The following ZZZ3 variants were observed in gnomAD, a reference collection of about 807,000 sequenced individuals.
ZZZ3 encodes zinc finger ZZ-type containing 3, also known as ZZ-type zinc finger-containing protein 3.
A neutral mutation model predicts 95.2 loss-of-function variants in ZZZ3; 22 were observed. The observed-to-expected ratio is 0.23, with a 90% CI of 0.17 to 0.33. The LOEUF (loss-of-function observed/expected upper bound fraction) is 0.33. Among genes scored for constraint, ZZZ3 ranks in the 10% least tolerant of loss-of-function variants. The pLI is 1.00. For synonymous variants in ZZZ3, 335 were observed against 358.9 expected (o/e 0.93, Z 0.75); for missense variants, 885 against 1,066.5 (o/e 0.83, Z 2.37).
At position 77,641,635 on chromosome 1, in the gene ZZZ3, T is replaced by G. The variant is rs1359694619; in HGVS notation, c.-382A>C. ...TTCAGGTATTATTTATTTATATGGT[T>G]GTACTAGAATAACTTGATATCTGTG... is the stretch of plus-strand genomic sequence containing the variant. On this transcript the variant is annotated 5_prime_UTR_variant, in exon 2 of 15. Transcript: ENST00000370801. 1 of 398,130 alleles carries G rather than the reference T, an allele frequency of 2.5e-6. No individual in the cohort carries two copies. The highest frequency in any genetic ancestry group is 4.4e-6 in the Non-Finnish European group (1 of 225,776). The allele number at this position is 398,130 out of a possible 1,614,324, so 24.7% of individuals were successfully genotyped here.
At chr1:77,595,699 A>G (rs1664150991) in intron 5 of ZZZ3, among the ~76,000 whole-genome samples, 1 of 152,036 alleles carries the variant, frequency 6.6e-6, no homozygotes, top group Non-Finnish European at 1.5e-5. Context: ...ACAAGCAAAC[A>G]TTTGCATTTG....
chr1:77,637,019 G>A (rs1668367113), intron 4 of ZZZ3, among the ~76,000 whole-genome samples: 1 of 152,114 alleles, frequency 6.6e-6, no homozygotes, highest in African/African-American at 2.4e-5. Context: ...TCAATCACGG[G>A]CATCTCCTGG....
At chr1:77,673,365 G>T (rs1671956145) in intron 1 of ZZZ3, among the ~76,000 whole-genome samples, 1 of 152,144 alleles carries the variant, frequency 6.6e-6, no homozygotes, top group Admixed American at 6.6e-5. Flanking sequence ...GGGAGGCTGA[G>T]GAGGGCAGAT....
intron 5 of ZZZ3, among the ~76,000 whole-genome samples, chr1:77,611,610 T>C (rs978241212): frequency 2.0e-5 from 3 of 151,940 alleles, no homozygotes; most frequent in Non-Finnish European, 4.4e-5. Flanking sequence ...ACAAAGCTAT[T>C]ACAATCAAAA....
intron 5 of ZZZ3, among the ~76,000 whole-genome samples, chr1:77,601,903 C>CTA (rs1020022946): frequency 6.6e-6 from 1 of 152,062 alleles, no homozygotes; most frequent in African/African-American, 2.4e-5. Flanking sequence ...AATCAATAGG[C>CTA]TATATACTCT....
At position 77,665,956 on chromosome 1, in the gene ZZZ3, G is replaced by T. The variant is rs150692439; in HGVS notation, c.-403+16629C>A. ...CTCAAGAGGCTGAGGCAGGAGAATCGCTTGAACCCAGAAGGCGGAGGGTGC... is the reference window on the plus strand; with the variant it reads ...CTCAAGAGGCTGAGGCAGGAGAATCTCTTGAACCCAGAAGGCGGAGGGTGC... On this transcript the variant is annotated intron_variant, in intron 1 of 14. Coordinates refer to ENST00000370801, the MANE Select transcript of ZZZ3 (RefSeq NM_015534.6). Among the ~76,000 whole-genome samples the T allele has an allele frequency of 2.5e-3, 380 of 152,278 alleles. 1 individual carries two copies. The highest frequency in any genetic ancestry group is 8.8e-3 in the African/African-American group (366 of 41,564).
At chr1:77,680,753 G>T (rs541695869) in intron 1 of ZZZ3, among the ~76,000 whole-genome samples, 1 of 151,976 alleles carries the variant, frequency 6.6e-6, no homozygotes, top group Non-Finnish European at 1.5e-5. Flanking sequence ...CTTTTAAAAC[G>T]TCTGAAAAAC....
intron 1 of ZZZ3, among the ~76,000 whole-genome samples, chr1:77,671,024 T>C (rs1219759154): frequency 6.7e-6 from 1 of 150,032 alleles, no homozygotes; most frequent in Admixed American, 6.6e-5. Context: ...GTGGTGGGGG[T>C]TGTTTTTTTT....
chr1:77,657,959 A>G (rs1278182535), intron 1 of ZZZ3, among the ~76,000 whole-genome samples: 1 of 152,002 alleles, frequency 6.6e-6, no homozygotes, highest in Non-Finnish European at 1.5e-5. Context: ...TGAGTGGATC[A>G]CCTGAGGTCA....
chr1:77,668,672 A>G (rs1232731191), intron 1 of ZZZ3, among the ~76,000 whole-genome samples: 1 of 150,406 alleles, frequency 6.6e-6, no homozygotes, highest in Non-Finnish European at 1.5e-5. Context: ...AAAAAGTTAC[A>G]GTGCTCTCAG....
chr1:77,628,715 T>A (rs1667530970), intron 5 of ZZZ3, among the ~76,000 whole-genome samples: 1 of 152,226 alleles, frequency 6.6e-6, no homozygotes, highest in Admixed American at 6.5e-5. Flanking sequence ...TCAACTAGAA[T>A]AACACAGAGT....
intron 1 of ZZZ3, among the ~76,000 whole-genome samples, chr1:77,666,325 T>G (rs1671246985): frequency 6.6e-6 from 1 of 152,074 alleles, no homozygotes; most frequent in African/African-American, 2.4e-5. Flanking sequence ...GGTCAGGAGT[T>G]TTAAGACTAG....
intron 5 of ZZZ3, among the ~76,000 whole-genome samples, chr1:77,622,578 T>G (rs535570388): frequency 6.6e-6 from 1 of 152,284 alleles, no homozygotes; most frequent in East Asian, 1.9e-4. Flanking sequence ...CAAAAATCCT[T>G]GAAATATCTG....
chr1:77,633,292 T>C lies in ZZZ3; in HGVS notation c.63A>G (p.Glu21=). 6.2e-7 allele frequency: 1 copy of C among 1,613,948 alleles called. No homozygotes were observed. The highest frequency in any genetic ancestry group is 8.5e-7 in the Non-Finnish European group (1 of 1,179,936). Residue 21 remains glutamate, a synonymous_variant, in exon 5 of 15, where the codon GAA becomes GAG. Transcript: ENST00000370801. ...RSTVGLNGLD[E]SFCGRTLRNR... The stretch of plus-strand genomic sequence containing the variant: ...TCCTTAAAGTTCTACCACAAAAAGA[T>C]TCATCCAAGCCGTTTAACCCCACTG...
intron 1 of ZZZ3, among the ~76,000 whole-genome samples, chr1:77,658,589 C>G (rs1379769301): frequency 1.3e-5 from 2 of 151,500 alleles, no homozygotes; most frequent in Non-Finnish European, 2.9e-5. Flanking sequence ...ATCTCCAACT[C>G]CTGGGCTCAA....
chr1:77,569,264 G>A (rs1416138258), intron 12 of ZZZ3, among the ~76,000 whole-genome samples: 1 of 152,166 alleles, frequency 6.6e-6, no homozygotes, highest in Non-Finnish European at 1.5e-5. Context: ...TTGCACCTGG[G>A]AGGCGGAGGT....
chr1:77,649,798 C>T (rs1669635015), intron 1 of ZZZ3, among the ~76,000 whole-genome samples: 1 of 151,644 alleles, frequency 6.6e-6, no homozygotes, highest in Non-Finnish European at 1.5e-5. Context: ...AGGAGAATCG[C>T]TTGAACCCAG....
chr1:77,591,544 A>G (rs1394192978), intron 5 of ZZZ3, among the ~76,000 whole-genome samples: 3 of 152,130 alleles, frequency 2.0e-5, no homozygotes, highest in Non-Finnish European at 2.9e-5. Context: ...GGTTCTTGCT[A>G]TGTGGCTCAG....
intron 4 of ZZZ3, 147 bp from the exon 5 acceptor site, chr1:77,633,552 A>T: frequency 2.0e-6 from 1 of 507,660 alleles, no homozygotes; most frequent in Admixed American, 3.8e-5. Flanking sequence ...AAATTATGTG[A>T]TAAAAATTCT....
Sources: gnomAD v4.1 joint callset for allele counts (sites outside exome capture counted in the v4.1 genomes callset) on GRCh38, gnomAD v4.1.1 for gene constraint, MANE v1.5 for transcripts, NCBI Gene and HGNC (gene_info 2026-07-23, HGNC 2026-07-21) for gene names.